OR2T11: variants seen among roughly 807,000 people sequenced by gnomAD.
OR2T11 encodes olfactory receptor family 2 subfamily T member 11.
In OR2T11, 14 loss-of-function variants were observed where a neutral mutation model predicts 13.5. That is an observed-to-expected ratio of 1.04 (90% CI 0.69 to 1.62). OR2T11 has a LOEUF of 1.62. Among genes scored for constraint, OR2T11 ranks in the 40% most tolerant of loss-of-function variants. The pLI, the probability that OR2T11 is intolerant of heterozygous loss-of-function variation, is 0.00. For missense variants in OR2T11, 410 were observed against 389.7 expected (o/e 1.05, Z -0.44); for synonymous variants, 163 against 154.6 (o/e 1.05, Z -0.40).
Position 248,626,596 on chromosome 1 carries a change from A to T in OR2T11, c.533T>A (p.Ile178Asn). ...ACAGGCCAGTTTCAGAACTGCTGGG[A>T]TCTCACAGAAAAAATGGTTGATACT... Reference protein sequence around the residue: ...SRSINHFFCEIPAVLKLACAD... With the variant: ...SRSINHFFCENPAVLKLACAD... The change falls in exon 2 of 2, where the codon ATC (isoleucine) becomes AAC (asparagine). Residue 178 changes from isoleucine (I) to asparagine (N), a missense_variant. Transcript: ENST00000641193. 6.4e-7 allele frequency: 1 copy of T among 1,573,448 alleles called. No homozygotes were observed. The highest frequency in any genetic ancestry group is 8.6e-7 in the Non-Finnish European group (1 of 1,156,848).
intron 1 of OR2T11, among the ~76,000 whole-genome samples, chr1:248,631,622 G>A (rs370427584): frequency 7.0e-6 from 1 of 143,496 alleles, no homozygotes; most frequent in African/African-American, 2.7e-5. Flanking sequence ...ATCACAAGTT[G>A]TCAACAAAGC....
intron 1 of OR2T11, among the ~76,000 whole-genome samples, 153 bp downstream of exon 1, chr1:248,634,885 G>A (rs1172138854): frequency 2.1e-5 from 3 of 144,616 alleles, no homozygotes; most frequent in Admixed American, 2.0e-4. Flanking sequence ...CTTTTTGCCT[G>A]ATATCTTCCT....
At chr1:248,633,725 GGAAA>G (rs1660646480) in intron 1 of OR2T11, among the ~76,000 whole-genome samples, 1 of 142,236 alleles carries the variant, frequency 7.0e-6, no homozygotes, top group Non-Finnish European at 1.5e-5. Context: ...TAAACACTTT[GGAAA>G]TCCAGGGAAA....
intron 1 of OR2T11, among the ~76,000 whole-genome samples, chr1:248,633,324 G>A (rs1293971689): frequency 1.4e-5 from 2 of 142,110 alleles, no homozygotes; most frequent in Non-Finnish European, 3.0e-5. Flanking sequence ...TAAGTGAAAA[G>A]GTGGCATATT....
In OR2T11 at chr1:248,633,247, T is replaced by C. The variant is rs1275112746; in HGVS notation, c.-145+1791A>G. Among the ~76,000 whole-genome samples the C allele has an allele frequency of 6.5e-5, 9 of 138,302 alleles. 1 individual carries two copies. Among genetic ancestry groups the C allele is most frequent in the East Asian group, 2.1e-4 (1 of 4,718 alleles). 90.7% of individuals were successfully genotyped at this position (138,302 alleles called of 152,430 possible). A position where few individuals can be genotyped will look rare whatever the true frequency, so the allele number is the denominator to read the frequency against. ...TAGGTTTTAGTACATAATAGAATTC[T>C]AAGTGACCACTGGAATGTGAGGTGA... On this transcript the variant is annotated intron_variant, in intron 1 of 1. Coordinates refer to ENST00000641193, the MANE Select transcript of OR2T11 (RefSeq NM_001001964.2).
chr1:248,631,253 A>G (rs1660608989), intron 1 of OR2T11, among the ~76,000 whole-genome samples: 1 of 143,640 alleles, frequency 7.0e-6, no homozygotes, highest in African/African-American at 2.7e-5. Context: ...TTTAAACAAA[A>G]CTGAGACATG....
Position 248,634,325 on chromosome 1 carries a change from G to A in OR2T11, c.-145+713C>T, listed in dbSNP as rs1243308549. On this transcript the variant is annotated intron_variant, in intron 1 of 1. Coordinates refer to ENST00000641193, the MANE Select transcript of OR2T11 (RefSeq NM_001001964.2). Reference sequence around the variant, plus strand: ...TAAAAAATACAATGTGAAACAACCAGAGTTGAAGCTACAGGTATTTATTTA... The same window carrying A: ...TAAAAAATACAATGTGAAACAACCAAAGTTGAAGCTACAGGTATTTATTTA... Among the ~76,000 whole-genome samples the A allele has an allele frequency of 1.3e-4, 9 of 69,890 alleles. 2 individuals are homozygous for A. The highest frequency in any genetic ancestry group is 5.0e-4 in the African/African-American group (9 of 17,944). 45.9% of individuals were successfully genotyped at this position (69,890 alleles called of 152,430 possible).
In OR2T11 at chr1:248,634,204, TA is replaced by T. The variant is rs1459039710; in HGVS notation, c.-145+833del. ...ACTAGTATTTATTAAGGGCAAATTC[TA>T]TGTTAGGAAAAGTTTTAAGTGCTTG... is the stretch of plus-strand genomic sequence containing the variant. On this transcript the variant is annotated intron_variant, in intron 1 of 1. Transcript: ENST00000641193. Among the ~76,000 whole-genome samples, 2 of 136,236 alleles carry T rather than the reference TA, an allele frequency of 1.5e-5. 1 individual carries two copies. Among genetic ancestry groups the T allele is most frequent in the Non-Finnish European group, 3.1e-5 (2 of 64,146 alleles). The allele number at this position is 136,236 out of a possible 152,430, so 89.4% of individuals were successfully genotyped here.
rs371957139 is a variant in OR2T11, at chr1:248,623,564, T to A, written c.*2614A>T. ...CCATGAAGAATTCTGCCTATACAAC[T>A]TTTAATTGCCCAAAGAGACAAATTT... On this transcript the variant is annotated 3_prime_UTR_variant, in exon 2 of 2. Transcript: ENST00000641193. The A allele has an allele frequency of 2.8e-5, 4 of 143,638 alleles. 1 individual carries two copies. The East Asian group carries it at 8.0e-4, about 29-fold the overall frequency. The allele number at this position is 143,638 out of a possible 1,614,324, so 8.9% of individuals were successfully genotyped here.
chr1:248,627,175 C>A lies in OR2T11; in HGVS notation c.-47G>T. ...CAGGGCAACGGGAAGACACAAGGAC[C>A]AGGAAGGAGGCAAGAGAACACGGTC... On this transcript the variant is annotated 5_prime_UTR_variant, in exon 2 of 2. Coordinates refer to ENST00000641193, the MANE Select transcript of OR2T11 (RefSeq NM_001001964.2). The A allele has an allele frequency of 8.8e-7, 1 of 1,133,656 alleles. No homozygotes were observed. The highest frequency in any genetic ancestry group is 1.3e-6 in the Non-Finnish European group (1 of 778,166). 70.2% of individuals were successfully genotyped at this position (1,133,656 alleles called of 1,614,324 possible).
Position 248,626,521 on chromosome 1 carries a change from A to C in OR2T11, c.608T>G (p.Met203Arg), listed in dbSNP as rs75010552. 12,161 of 1,569,092 alleles carry C rather than the reference A, an allele frequency of 7.8e-3. 1,446 individuals carry two copies. Among genetic ancestry groups the C allele is most frequent in the South Asian group, 0.013 (1,146 of 88,842 alleles). The change falls in exon 2 of 2, where the codon ATG (methionine) becomes AGG (arginine). Residue 203 changes from methionine (M) to arginine (R), a missense_variant. Transcript: ENST00000641193. ...GATGATAGAGATGGGGATGAGCAAC[A>C]TGAGGACACAGCAGATGTACATCAG... The part of the protein sequence containing the change: ...ETLMYICCVL[M>R]LLIPISIIST...
intron 1 of OR2T11, among the ~76,000 whole-genome samples, chr1:248,630,059 T>A (rs1254526594): frequency 7.0e-6 from 1 of 143,026 alleles, no homozygotes; most frequent in African/African-American, 2.7e-5. Context: ...TGGCACATTG[T>A]AAATCTTTGA....
At position 248,626,329 on chromosome 1, in the gene OR2T11, T is replaced by C; in HGVS notation, c.800A>G (p.Gln267Arg). Residue 267 changes from glutamine (Q) to arginine (R), a missense_variant, in exon 2 of 2, where the codon CAG (glutamine) becomes CGG (arginine). Physicochemically the swap from Gln to Arg is conservative, Grantham distance 43. Coordinates refer to ENST00000641193, the MANE Select transcript of OR2T11 (RefSeq NM_001001964.2). ...ATAGAAGGCTGACACTACTTTGTCC[T>C]GCTCGGGGGTGTGGAAGGACTGGGG... ...VLPQSFHTPE[Q>R]DKVVSAFYTI... is the part of the protein sequence containing the mutation. The C allele has an allele frequency of 6.4e-7, 1 of 1,573,164 alleles. No homozygotes were observed. Among genetic ancestry groups the C allele is most frequent in the South Asian group, 1.1e-5 (1 of 88,914 alleles).
chr1:248,625,923 G>A lies in OR2T11; in HGVS notation c.*255C>T, dbSNP rs1029191537. ...GTTGCTGTGAACTCTAATATTTGGGGTTTTTCTTCCCTAAATAAAAAGACT... is the reference window on the plus strand; with the variant it reads ...GTTGCTGTGAACTCTAATATTTGGGATTTTTCTTCCCTAAATAAAAAGACT... On this transcript the variant is annotated 3_prime_UTR_variant, in exon 2 of 2. Coordinates refer to ENST00000641193, the MANE Select transcript of OR2T11 (RefSeq NM_001001964.2). 2 of 298,740 alleles carry A rather than the reference G, an allele frequency of 6.7e-6. 1 individual carries two copies. Among genetic ancestry groups the A allele is most frequent in the African/African-American group, 4.9e-5 (2 of 40,740 alleles). 18.5% of individuals were successfully genotyped at this position (298,740 alleles called of 1,614,324 possible).
Position 248,630,271 on chromosome 1 carries a change from A to G in OR2T11, c.-144-2999T>C, listed in dbSNP as rs188385261. The stretch of plus-strand genomic sequence containing the variant: ...AATGGGATCCACCAATATTTGATCA[A>G]AAAAAACTTCATTCTAGGAAAAATA... On this transcript the variant is annotated intron_variant, in intron 1 of 1. Coordinates refer to ENST00000641193, the MANE Select transcript of OR2T11 (RefSeq NM_001001964.2). 1.7e-3 allele frequency among the ~76,000 whole-genome samples: 244 copies of G among 143,636 alleles called. 11 individuals are homozygous for G. Among genetic ancestry groups the G allele is most frequent in the African/African-American group, 6.0e-3 (218 of 36,588 alleles). The allele number at this position is 143,636 out of a possible 152,430, so 94.2% of individuals were successfully genotyped here.
intron 1 of OR2T11, among the ~76,000 whole-genome samples, chr1:248,633,492 C>G (rs1660641016): frequency 7.1e-6 from 1 of 141,082 alleles, no homozygotes; most frequent in African/African-American, 2.8e-5. Flanking sequence ...CCATTATTTG[C>G]AAGCATCCCT....
intron 1 of OR2T11, among the ~76,000 whole-genome samples, chr1:248,632,480 T>C (rs535969546): frequency 7.3e-6 from 1 of 137,164 alleles, no homozygotes; most frequent in South Asian, 2.3e-4. Flanking sequence ...TTGGGGGAAC[T>C]AAGTTACAGG....
intron 1 of OR2T11, among the ~76,000 whole-genome samples, chr1:248,631,902 C>T (rs1447729308): frequency 6.9e-6 from 1 of 143,952 alleles, no homozygotes; most frequent in Non-Finnish European, 1.5e-5. Flanking sequence ...CACAGCATCA[C>T]CGCTGTCAAC....
At chr1:248,630,927 A>G (rs1660602176) in intron 1 of OR2T11, among the ~76,000 whole-genome samples, 1 of 143,052 alleles carries the variant, frequency 7.0e-6, no homozygotes. Context: ...CTTACATGGG[A>G]GAGAGGAGGA....
Sources: allele counts gnomAD v4.1 joint callset (sites outside exome capture counted in the v4.1 genomes callset), GRCh38; gene constraint gnomAD v4.1.1; transcripts MANE v1.5; gene names NCBI Gene and HGNC (gene_info 2026-07-23, HGNC 2026-07-21).